The following AFF1 variants were observed in gnomAD, a reference collection of about 807,000 sequenced individuals.
AFF1 encodes AF4/FMR2 family member 1.
Under a neutral mutation model 121.7 loss-of-function variants are expected in AFF1, and 48 were observed. That is an observed-to-expected ratio of 0.39 (90% confidence interval 0.31 to 0.50). The LOEUF is 0.50. Ranked by LOEUF, AFF1 falls within the 20% of genes least tolerant of loss-of-function variation. The pLI, the probability that AFF1 is intolerant of heterozygous loss-of-function variation, is 0.76. For missense variants in AFF1, 1,523 were observed against 1,511.7 expected, an observed-to-expected ratio of 1.01 and a Z score of -0.12; for synonymous variants, 613 against 563.0, an observed-to-expected ratio of 1.09 and a Z score of -1.26.
At chr4:87,112,902 G>A (rs1040588843) in intron 11 of AFF1, among the ~76,000 whole-genome samples, 7 of 152,248 alleles carry the variant, frequency 4.6e-5, no homozygotes, top group Admixed American at 1.3e-4. Flanking sequence ...TAAAATAAAT[G>A]TAACTATCAC....
intron 4 of AFF1, among the ~76,000 whole-genome samples, chr4:87,066,365 C>T (rs1331835460): frequency 6.6e-6 from 1 of 152,112 alleles, no homozygotes; most frequent in Non-Finnish European, 1.5e-5. Context: ...GGGAGGATTA[C>T]TGTAGGCCAG....
chr4:86,968,337 A>G (rs2149476255), intron 2 of AFF1, among the ~76,000 whole-genome samples: 1 of 152,364 alleles, frequency 6.6e-6, no homozygotes, highest in African/African-American at 2.4e-5. Flanking sequence ...AATAATTTAT[A>G]GAAGAATGAT....
At chr4:87,100,231 G>A (rs1442934656) in intron 8 of AFF1, among the ~76,000 whole-genome samples, 3 of 152,098 alleles carry the variant, frequency 2.0e-5, no homozygotes, top group Non-Finnish European at 4.4e-5. Flanking sequence ...TACCCTCTCT[G>A]TGGGATGCTG....
chr4:87,076,851 C>G lies in AFF1; in HGVS notation c.1060-7269C>G, dbSNP rs568513799. On this transcript the variant is annotated intron_variant, in intron 4 of 20. Coordinates refer to ENST00000395146, the MANE Select transcript of AFF1 (RefSeq NM_001166693.3). Reference sequence around the variant, plus strand: ...GTTTTCCAGCTGAAGTAGGCACACCCAGGCAGTATGAGCATGTTCTTGGAA... The same window carrying G: ...GTTTTCCAGCTGAAGTAGGCACACCGAGGCAGTATGAGCATGTTCTTGGAA... Among the ~76,000 whole-genome samples, 6 of 152,326 alleles carry G rather than the reference C, an allele frequency of 3.9e-5. No individual in the cohort carries two copies. In the South Asian group the frequency reaches 1.2e-3, roughly 32 times the overall value.
rs573422602 is a variant in AFF1 at position 87,018,129 on chromosome 4, A to G, written c.39-28037A>G. Among the ~76,000 whole-genome samples the G allele has an allele frequency of 4.3e-4, 65 of 152,332 alleles. 1 individual carries two copies. The East Asian group carries it at 0.011, about 26-fold the overall frequency. On this transcript the variant is annotated intron_variant, in intron 2 of 20. Transcript: ENST00000395146. The stretch of plus-strand genomic sequence containing the variant: ...ATCAACAGCTTTATGAATGTGGCCA[A>G]TTCACACGCATTAAGTGTTTTTCAT...
At chr4:87,059,503 C>T (rs1183174290) in intron 4 of AFF1, among the ~76,000 whole-genome samples, 1 of 152,222 alleles carries the variant, frequency 6.6e-6, no homozygotes. Context: ...GTTACAACTT[C>T]TTTCTAACCT....
At chr4:86,942,677 A>G (rs1277957858) in intron 1 of AFF1, among the ~76,000 whole-genome samples, 4 of 152,128 alleles carry the variant, frequency 2.6e-5, no homozygotes, top group Non-Finnish European at 5.9e-5. Flanking sequence ...TGGTTTTTTG[A>G]TGGTAAAGAT....
chr4:86,981,005 T>TTTTG (rs3035476), intron 2 of AFF1, among the ~76,000 whole-genome samples: 74,706 of 143,618 alleles, frequency 0.52, 20,294 homozygotes, highest in South Asian at 0.7. Context: ...CTTAACAGTG[T>TTTTG]TTTGTTTGTT....
chr4:86,962,463 A>G (rs1722222949), intron 2 of AFF1, among the ~76,000 whole-genome samples: 1 of 152,216 alleles, frequency 6.6e-6, no homozygotes, highest in African/African-American at 2.4e-5. Context: ...TAGACATTTA[A>G]TAAATATTAA....
rs1335596662 is a variant in AFF1 at position 87,084,112 on chromosome 4, A to G, written c.1060-8A>G. ...GCTAACCTTTTATTTTTTGCTTTTCACTTTCAGCAGACCTACTCCAATGAA... is the reference window on the plus strand; with the variant it reads ...GCTAACCTTTTATTTTTTGCTTTTCGCTTTCAGCAGACCTACTCCAATGAA... On this transcript the variant is annotated splice_region_variant and splice_polypyrimidine_tract_variant and intron_variant, in intron 4 of 20. Coordinates refer to ENST00000395146, the MANE Select transcript of AFF1 (RefSeq NM_001166693.3). The G allele has an allele frequency of 6.2e-7, 1 of 1,613,674 alleles. No individual in the cohort carries two copies. Among genetic ancestry groups the G allele is most frequent in the Non-Finnish European group, 8.5e-7 (1 of 1,179,728 alleles).
intron 4 of AFF1, among the ~76,000 whole-genome samples, chr4:87,068,688 C>T (rs184671055): frequency 2.6e-5 from 4 of 152,248 alleles, no homozygotes; most frequent in Non-Finnish European, 5.9e-5. Flanking sequence ...TGCTAAGCAA[C>T]GGTGTACTTG....
intron 2 of AFF1, among the ~76,000 whole-genome samples, chr4:86,957,517 C>G (rs968866598): frequency 6.6e-6 from 1 of 152,012 alleles, no homozygotes; most frequent in African/African-American, 2.4e-5. Context: ...AATGCTGGGG[C>G]AACTAGTTCA....
intron 2 of AFF1, among the ~76,000 whole-genome samples, chr4:86,983,123 G>A (rs1723909270): frequency 6.6e-6 from 1 of 152,102 alleles, no homozygotes; most frequent in Non-Finnish European, 1.5e-5. Flanking sequence ...GGCACAGTGG[G>A]CTCAAGCTTG....
At chr4:87,006,336 A>C (rs1327198587) in intron 2 of AFF1, among the ~76,000 whole-genome samples, 1 of 152,074 alleles carries the variant, frequency 6.6e-6, no homozygotes, top group Non-Finnish European at 1.5e-5. Flanking sequence ...CACGGCTTAA[A>C]CGCTTTCCAT....
At chr4:87,015,797 G>C (rs1727232829) in intron 2 of AFF1, among the ~76,000 whole-genome samples, 1 of 152,182 alleles carries the variant, frequency 6.6e-6, no homozygotes, top group Admixed American at 6.5e-5. Context: ...GATAAGCCTA[G>C]CATAAAACTT....
chr4:86,937,540 A>G (rs1434850264), intron 1 of AFF1, among the ~76,000 whole-genome samples: 1 of 152,196 alleles, frequency 6.6e-6, no homozygotes, highest in Non-Finnish European at 1.5e-5. Context: ...GGAAGAGACT[A>G]TTCAATTAAA....
intron 2 of AFF1, among the ~76,000 whole-genome samples, chr4:86,985,276 C>T (rs1245451301): frequency 6.9e-5 from 10 of 145,026 alleles, no homozygotes; most frequent in East Asian, 2.0e-4. Flanking sequence ...TTTGGGAGGC[C>T]GAGGTGGGTG....
intron 7 of AFF1, among the ~76,000 whole-genome samples, chr4:87,092,378 G>A (rs1296118922): frequency 6.6e-6 from 1 of 152,208 alleles, no homozygotes; most frequent in Non-Finnish European, 1.5e-5. Flanking sequence ...CTGACACATA[G>A]TAGCTGTACC....
intron 4 of AFF1, among the ~76,000 whole-genome samples, chr4:87,068,694 A>C (rs1394831798): frequency 2.6e-5 from 4 of 152,198 alleles, no homozygotes; most frequent in African/African-American, 9.7e-5. Context: ...GCAACGGTGT[A>C]CTTGAGAGAG....
Sources: gnomAD v4.1 joint callset for allele counts (sites outside exome capture counted in the v4.1 genomes callset) on GRCh38, gnomAD v4.1.1 for gene constraint, MANE v1.5 for transcripts, NCBI Gene and HGNC (gene_info 2026-07-23, HGNC 2026-07-21) for gene names.